CLCN3: variants seen among roughly 807,000 people sequenced by gnomAD.
The protein encoded by CLCN3 is Cl-/H+ antiporter 3.
CLCN3 carries 16 observed loss-of-function variants against 83.4 expected under a neutral mutation model. The observed-to-expected ratio is 0.19, with a 90% CI of 0.13 to 0.29. CLCN3 has a LOEUF of 0.29. Among genes scored for constraint, CLCN3 ranks in the 10% least tolerant of loss-of-function variants. The pLI, the probability that CLCN3 is intolerant of heterozygous loss-of-function variation, is 1.00. For synonymous variants in CLCN3, 322 were observed against 346.2 expected, an observed-to-expected ratio of 0.93 and a Z score of 0.78; for missense variants, 544 against 1,006.0, an observed-to-expected ratio of 0.54 and a Z score of 6.21.
At position 169,620,704 on chromosome 4, in the gene CLCN3, T is replaced by C. The variant is rs768568600; in HGVS notation, c.-376T>C. On this transcript the variant is annotated 5_prime_UTR_variant, in exon 1 of 13. Transcript: ENST00000513761. ...TGTGGTGGGTTGAAAGCCATCCTAC[T>C]TTACTCCCGAGTTAGAGCATGGATT... 1 of 398,656 alleles carries C rather than the reference T, an allele frequency of 2.5e-6. No homozygotes were observed. The highest frequency in any genetic ancestry group is 4.4e-6 in the Non-Finnish European group (1 of 226,078). The allele number at this position is 398,656 out of a possible 1,614,324, so 24.7% of individuals were successfully genotyped here. A position where few individuals can be genotyped will look rare whatever the true frequency, so the allele number is the denominator to read the frequency against.
intron 1 of CLCN3, among the ~76,000 whole-genome samples, chr4:169,630,809 G>A (rs894801280): frequency 6.6e-5 from 10 of 152,266 alleles, no homozygotes; most frequent in African/African-American, 2.4e-4. Flanking sequence ...GATTACAGGC[G>A]TGAGCCACCG....
chr4:169,676,650 ATT>A (rs557077180), intron 2 of CLCN3, among the ~76,000 whole-genome samples: 14,683 of 127,972 alleles, frequency 0.11, 457 homozygotes, highest in East Asian at 0.16. Flanking sequence ...CATGCCCAGC[ATT>A]TTTTTTTTTT....
rs188259594 is a variant in CLCN3, at chr4:169,680,449, A to G, written c.318+242A>G. The G allele has an allele frequency of 2.1e-4, 78 of 367,598 alleles. No individual in the cohort carries two copies. In the East Asian group the frequency reaches 2.9e-3, roughly 14 times the overall value. 22.8% of individuals were successfully genotyped at this position (367,598 alleles called of 1,614,324 possible). The stretch of plus-strand genomic sequence containing the variant: ...AAAAACAAAGAAATACAATAAGAAG[A>G]CAAAATAAGAAGGAAAGGGAAAAAT... On this transcript the variant is annotated intron_variant, in intron 3 of 12. Coordinates refer to ENST00000513761, the MANE Select transcript of CLCN3 (RefSeq NM_001829.4).
chr4:169,683,299 C>T (rs528286332), intron 3 of CLCN3, among the ~76,000 whole-genome samples: 2 of 152,188 alleles, frequency 1.3e-5, no homozygotes, highest in South Asian at 2.1e-4. Flanking sequence ...GAGTTTGAGA[C>T]CAGCCTGGGC....
In CLCN3 at chr4:169,697,363, G is replaced by T; in HGVS notation, c.1192G>T (p.Val398Leu). The change falls in exon 9 of 13, where the codon GTA becomes TTA. Residue 398 changes from valine to leucine, a missense_variant. Around this residue, in one of 6 missense-constraint regions of CLCN3, gnomAD observed 194 missense variants for 341.4 expected, o/e 0.57. Coordinates refer to ENST00000513761, the MANE Select transcript of CLCN3 (RefSeq NM_001829.4). Reference sequence around the variant, plus strand: ...ACTGTTTCCTTTTATTCTTCTAGGGGTATTTGGAGGGCTTTGGGGAGCCTT... The same window carrying T: ...ACTGTTTCCTTTTATTCTTCTAGGGTTATTTGGAGGGCTTTGGGGAGCCTT... ...FELFPFILLG[V>L]FGGLWGAFFI... The T allele has an allele frequency of 6.2e-7, 1 of 1,614,038 alleles. No homozygotes were observed. The highest frequency in any genetic ancestry group is 1.3e-5 in the African/African-American group (1 of 74,978).
chr4:169,683,050 A>G (rs370794121), intron 3 of CLCN3, among the ~76,000 whole-genome samples: 1 of 152,202 alleles, frequency 6.6e-6, no homozygotes, highest in Non-Finnish European at 1.5e-5. Context: ...TGTGTCTTGT[A>G]TGATCATTAG....
rs114139247 is a variant in CLCN3 at position 169,638,265 on chromosome 4, G to T, written c.160+2177G>T. ...TTTACCACTTCATGGAAAATGCAGG[G>T]ACTTCAGAATACTTTACCTCTTTTT... On this transcript the variant is annotated intron_variant, in intron 2 of 12. Coordinates refer to ENST00000513761, the MANE Select transcript of CLCN3 (RefSeq NM_001829.4). Among the ~76,000 whole-genome samples, 1,064 of 152,202 alleles carry T rather than the reference G, an allele frequency of 7.0e-3. 10 individuals are homozygous for T. Among genetic ancestry groups the T allele is most frequent in the African/African-American group, 0.025 (1,024 of 41,538 alleles).
chr4:169,686,779 A>T (rs1732176068), intron 3 of CLCN3, among the ~76,000 whole-genome samples: 1 of 152,168 alleles, frequency 6.6e-6, no homozygotes, highest in African/African-American at 2.4e-5. Context: ...CTAGTTAGGG[A>T]TTTAGGTTTA....
At chr4:169,670,617 T>G (rs1036147384) in intron 2 of CLCN3, among the ~76,000 whole-genome samples, 2 of 152,244 alleles carry the variant, frequency 1.3e-5, no homozygotes, top group African/African-American at 4.8e-5. Context: ...TGGTTCCATA[T>G]GAAATTTAAA....
At chr4:169,636,340 A>G (rs1192649634) in intron 2 of CLCN3, among the ~76,000 whole-genome samples, 2 of 152,152 alleles carry the variant, frequency 1.3e-5, no homozygotes, top group African/African-American at 4.8e-5. Context: ...TTTAAGGGTA[A>G]GCTTTTAAAT....
chr4:169,709,957 G>A (rs1025440608), intron 11 of CLCN3, among the ~76,000 whole-genome samples: 1 of 151,984 alleles, frequency 6.6e-6, no homozygotes, highest in Non-Finnish European at 1.5e-5. Flanking sequence ...AATTGTCTGG[G>A]TGTGGTGGTG....
At chr4:169,635,695 G>C (rs9996873) in intron 1 of CLCN3, among the ~76,000 whole-genome samples, 1 of 151,862 alleles carries the variant, frequency 6.6e-6, no homozygotes, top group African/African-American at 2.4e-5. Context: ...AACAATTGGA[G>C]ATCTACCTGG....
chr4:169,662,414 G>C (rs532802954), intron 2 of CLCN3, among the ~76,000 whole-genome samples: 1 of 152,084 alleles, frequency 6.6e-6, no homozygotes, highest in African/African-American at 2.4e-5. Context: ...GTGTCTATGC[G>C]TAAGATGTTA....
intron 1 of CLCN3, among the ~76,000 whole-genome samples, chr4:169,630,594 G>C (rs553302730): frequency 6.6e-6 from 1 of 151,690 alleles, no homozygotes; most frequent in Non-Finnish European, 1.5e-5. Flanking sequence ...GCAGTGGCAC[G>C]ATCTTGGCTC....
At chr4:169,709,823 C>T (rs1733141092) in intron 11 of CLCN3, among the ~76,000 whole-genome samples, 1 of 151,976 alleles carries the variant, frequency 6.6e-6, no homozygotes, top group South Asian at 2.1e-4. Flanking sequence ...TTAAAAGGCC[C>T]TTGAATGAGT....
intron 12 of CLCN3, among the ~76,000 whole-genome samples, chr4:169,715,962 T>A (rs1432212773): frequency 2.6e-5 from 4 of 152,262 alleles, no homozygotes; most frequent in African/African-American, 2.4e-5. Flanking sequence ...ATAGGATACA[T>A]GGTTTTCCAG....
intron 2 of CLCN3, among the ~76,000 whole-genome samples, chr4:169,675,333 A>G (rs1430823965): frequency 6.6e-6 from 1 of 152,220 alleles, no homozygotes; most frequent in Non-Finnish European, 1.5e-5. Flanking sequence ...GAATGTTTAT[A>G]GTGATTACGA....
At chr4:169,686,129 C>T (rs1485208236) in intron 3 of CLCN3, among the ~76,000 whole-genome samples, 7 of 151,858 alleles carry the variant, frequency 4.6e-5, no homozygotes, top group Non-Finnish European at 1.5e-5. Context: ...ACAATGAGAA[C>T]ACATGGACAC....
chr4:169,716,316 A>G (rs1485383492), intron 12 of CLCN3, among the ~76,000 whole-genome samples: 1 of 152,156 alleles, frequency 6.6e-6, no homozygotes, highest in Non-Finnish European at 1.5e-5. Context: ...CTGGGTCGTT[A>G]TACATTTGTA....
Sources: gnomAD v4.1 joint callset for allele counts (sites outside exome capture counted in the v4.1 genomes callset) on GRCh38, gnomAD v4.1.1 for gene constraint, gnomAD v4.1.1 regional missense constraint, MANE v1.5 for transcripts, NCBI Gene and HGNC (gene_info 2026-07-23, HGNC 2026-07-21) for gene names.